HS6ST3: variants seen among roughly 807,000 people sequenced by gnomAD.
The protein encoded by HS6ST3 is heparan sulfate 6-O-sulfotransferase 3.
A neutral mutation model predicts 36.7 loss-of-function variants in HS6ST3; 12 were observed. The observed-to-expected ratio is 0.33, with a 90% CI of 0.21 to 0.53. The LOEUF (loss-of-function observed/expected upper bound fraction) is 0.53. Ranked by LOEUF, HS6ST3 falls within the 20% of genes least tolerant of loss-of-function variation. HS6ST3 has a pLI of 0.95. For synonymous variants in HS6ST3, 240 were observed against 257.5 expected, an observed-to-expected ratio of 0.93 and a Z score of 0.65; for missense variants, 584 against 640.9, an observed-to-expected ratio of 0.91 and a Z score of 0.96.
chr13:96,271,852 C>T (rs1373469781), intron 1 of HS6ST3, among the ~76,000 whole-genome samples: 1 of 151,908 alleles, frequency 6.6e-6, no homozygotes, highest in Non-Finnish European at 1.5e-5. Context: ...AAACTGACAC[C>T]ATATGGGATG....
At chr13:96,488,525 C>A (rs1030535267) in intron 1 of HS6ST3, among the ~76,000 whole-genome samples, 2 of 152,156 alleles carry the variant, frequency 1.3e-5, no homozygotes, top group East Asian at 3.9e-4. Flanking sequence ...TATGTCATAA[C>A]TTCTGATTGA....
intron 1 of HS6ST3, among the ~76,000 whole-genome samples, chr13:96,166,555 T>TTTTC (rs202025774): frequency 7.9e-4 from 120 of 151,124 alleles, no homozygotes; most frequent in African/African-American, 1.7e-3. Context: ...TCTTTTTTGC[T>TTTTC]TTTCTTTCTT....
At chr13:96,804,253 C>T (rs1029806611) in intron 1 of HS6ST3, among the ~76,000 whole-genome samples, 1 of 151,984 alleles carries the variant, frequency 6.6e-6, no homozygotes, top group Non-Finnish European at 1.5e-5. Context: ...CTAAACTTGT[C>T]GGAACAGAGA....
chr13:96,293,997 T>C (rs1477330343), intron 1 of HS6ST3, among the ~76,000 whole-genome samples: 1 of 152,112 alleles, frequency 6.6e-6, no homozygotes, highest in Non-Finnish European at 1.5e-5. Context: ...TATAGATCCA[T>C]TGTGGCTTAG....
intron 1 of HS6ST3, among the ~76,000 whole-genome samples, chr13:96,653,211 AT>A (rs929717375): frequency 1.9e-3 from 287 of 149,606 alleles, no homozygotes; most frequent in African/African-American, 6.6e-3. Flanking sequence ...CTTTTTATAT[AT>A]TTTTTTTATT....
intron 1 of HS6ST3, among the ~76,000 whole-genome samples, chr13:96,317,329 TATATATATATATA>T (rs1566321900): frequency 1.6e-4 from 3 of 18,730 alleles, no homozygotes; most frequent in African/African-American, 5.2e-4. Context: ...TATTCCATTA[TATATATATATATA>T]TATATATATA....
intron 1 of HS6ST3, among the ~76,000 whole-genome samples, chr13:96,719,273 C>CAA (rs5805989): frequency 1.6e-4 from 18 of 109,604 alleles, no homozygotes; most frequent in African/African-American, 4.7e-4. Flanking sequence ...GACTATGTCT[C>CAA]AAAAAAAAAA....
intron 1 of HS6ST3, among the ~76,000 whole-genome samples, chr13:96,417,683 TAC>T (rs1289208999): frequency 1.8e-4 from 26 of 142,842 alleles, no homozygotes; most frequent in Admixed American, 1.6e-3. Context: ...TAACTATATA[TAC>T]ATATACCTAT....
intron 1 of HS6ST3, among the ~76,000 whole-genome samples, chr13:96,369,758 C>T (rs936674122): frequency 2.6e-5 from 4 of 152,046 alleles, no homozygotes; most frequent in African/African-American, 7.2e-5. Flanking sequence ...TGGGTTTTTT[C>T]CCCCTCTGAA....
At chr13:96,551,332 T>A (rs2056218714) in intron 1 of HS6ST3, among the ~76,000 whole-genome samples, 1 of 152,136 alleles carries the variant, frequency 6.6e-6, no homozygotes, top group Non-Finnish European at 1.5e-5. Flanking sequence ...ACAGGCAGAG[T>A]TTTTTTCTTC....
chr13:96,548,647 A>G (rs1235701477), intron 1 of HS6ST3, among the ~76,000 whole-genome samples: 1 of 152,184 alleles, frequency 6.6e-6, no homozygotes, highest in Admixed American at 6.5e-5. Flanking sequence ...GTCATCAAAT[A>G]AAGAATTGGC....
chr13:96,094,381 A>G (rs2053779877), intron 1 of HS6ST3, among the ~76,000 whole-genome samples: 1 of 152,202 alleles, frequency 6.6e-6, no homozygotes, highest in Non-Finnish European at 1.5e-5. Flanking sequence ...CTTCTTCCTA[A>G]AAAACCATGA....
chr13:96,585,318 A>AT (rs1178061903), intron 1 of HS6ST3, among the ~76,000 whole-genome samples: 1 of 152,210 alleles, frequency 6.6e-6, no homozygotes, highest in Non-Finnish European at 1.5e-5. Flanking sequence ...TTCACAAATC[A>AT]TAAGTATGCA....
chr13:96,203,312 C>G (rs1245051279), intron 1 of HS6ST3, among the ~76,000 whole-genome samples: 1 of 152,132 alleles, frequency 6.6e-6, no homozygotes, highest in Non-Finnish European at 1.5e-5. Context: ...CAGCCGCGGC[C>G]TTCTCTCTGT....
At position 96,782,768 on chromosome 13, in the gene HS6ST3, C is replaced by T. The variant is rs150843995; in HGVS notation, c.708-49722C>T. On this transcript the variant is annotated intron_variant, in intron 1 of 1. Transcript: ENST00000376705. Reference sequence around the variant, plus strand: ...TGAGCAGAGAGGGAGGAGAACCTTTCTGCCCACCCAGCAGGCCCATTTTAA... The same window carrying T: ...TGAGCAGAGAGGGAGGAGAACCTTTTTGCCCACCCAGCAGGCCCATTTTAA... Among the ~76,000 whole-genome samples the T allele has an allele frequency of 1.4e-4, 21 of 152,246 alleles. No homozygotes were observed. In the East Asian group the frequency reaches 3.9e-3, roughly 28 times the overall value.
At chr13:96,534,524 C>T (rs534657945) in intron 1 of HS6ST3, among the ~76,000 whole-genome samples, 205 of 152,302 alleles carry the variant, frequency 1.3e-3, no homozygotes, top group African/African-American at 4.6e-3. Flanking sequence ...GGCCTCCATA[C>T]GTGAAGAATC....
At chr13:96,661,534 TCA>T (rs2056646342) in intron 1 of HS6ST3, among the ~76,000 whole-genome samples, 1 of 152,278 alleles carries the variant, frequency 6.6e-6, no homozygotes, top group Non-Finnish European at 1.5e-5. Context: ...TGGGTGAATC[TCA>T]GTTTTTTAAT....
chr13:96,194,588 C>T (rs1257577319), intron 1 of HS6ST3, among the ~76,000 whole-genome samples: 1 of 152,108 alleles, frequency 6.6e-6, no homozygotes, highest in Non-Finnish European at 1.5e-5. Context: ...ACATCTGCCA[C>T]CTCACATAGT....
At chr13:96,623,377 T>C (rs2056501571) in intron 1 of HS6ST3, among the ~76,000 whole-genome samples, 1 of 152,092 alleles carries the variant, frequency 6.6e-6, no homozygotes, top group Non-Finnish European at 1.5e-5. Context: ...TTCAGAGGAT[T>C]AGGCTTTAAA....
Sources: allele counts gnomAD v4.1 joint callset (sites outside exome capture counted in the v4.1 genomes callset), GRCh38; gene constraint gnomAD v4.1.1; transcripts MANE v1.5; gene names NCBI Gene and HGNC (gene_info 2026-07-23, HGNC 2026-07-21).